The following MTERF4 variants were observed in gnomAD, a reference collection of about 807,000 sequenced individuals.
The protein encoded by MTERF4 is mitochondrial transcription termination factor 4.
MTERF4 carries 17 observed loss-of-function variants against 22.5 expected under a neutral mutation model. The observed-to-expected ratio is 0.75, with a 90% CI of 0.52 to 1.13. The LOEUF (loss-of-function observed/expected upper bound fraction) is 1.13. Ranked by LOEUF, MTERF4 falls within the 50% of genes most tolerant of loss-of-function variation. The pLI, the probability that MTERF4 is intolerant of heterozygous loss-of-function variation, is 0.00. For missense variants in MTERF4, 420 were observed against 466.8 expected, an observed-to-expected ratio of 0.90 and a Z score of 0.92; for synonymous variants, 165 against 175.3, an observed-to-expected ratio of 0.94 and a Z score of 0.47.
chr2:241,063,588 G>A, the MTERF4 span: 6 of 1,601,700 alleles, frequency 3.7e-6, no homozygotes, highest in East Asian at 1.1e-4. Flanking sequence ...TCTGTGCAGA[G>A]AGGGATGAGT....
the MTERF4 span, among the ~76,000 whole-genome samples, chr2:241,057,234 C>T: frequency 1.3e-5 from 2 of 151,684 alleles, no homozygotes; most frequent in Non-Finnish European, 2.9e-5. Flanking sequence ...CAAAAATTAG[C>T]TGGGCATGGT....
At chr2:241,076,801 A>G (rs2063042143) in intron 4 of MTERF4, among the ~76,000 whole-genome samples, 1 of 151,322 alleles carries the variant, frequency 6.6e-6, no homozygotes, top group African/African-American at 2.4e-5. Flanking sequence ...AAAAGAACTG[A>G]GAGTCCAGGG....
chr2:241,071,973 C>G (rs1559296841), downstream of MTERF4: 1 of 1,065,356 alleles, frequency 9.4e-7, no homozygotes, highest in South Asian at 1.3e-5. Context: ...TGAGCCCACC[C>G]CCACCGCCAG....
At chr2:241,064,118 C>A in the MTERF4 span, 1 of 1,557,294 alleles carries the variant, frequency 6.4e-7, no homozygotes, top group South Asian at 1.2e-5. This position sits in a 1 kb window ranked among gnomAD's most constrained non-coding sequence, Gnocchi z 7.0. Context: ...GCTACCACTG[C>A]GAGACAGGTA....
At chr2:241,047,413 C>T in the MTERF4 span, among the ~76,000 whole-genome samples, 1 of 152,136 alleles carries the variant, frequency 6.6e-6, no homozygotes, top group East Asian at 1.9e-4. Flanking sequence ...GAGATTTCGA[C>T]ACTCCCCTCT....
downstream of MTERF4, chr2:241,067,732 C>A (rs2062521474): frequency 1.3e-6 from 2 of 1,567,882 alleles, no homozygotes; most frequent in African/African-American, 1.3e-5. Context: ...CAAGGAGGGG[C>A]CGGCACCTGC....
At chr2:241,065,002 C>G in the MTERF4 span, 5 of 1,440,694 alleles carry the variant, frequency 3.5e-6, no homozygotes, top group Non-Finnish European at 2.8e-6. Flanking sequence ...CGAGGGGGTC[C>G]CCTCTCCCTA....
the MTERF4 span, chr2:241,051,801 C>G: frequency 6.4e-7 from 1 of 1,560,750 alleles, no homozygotes; most frequent in Non-Finnish European, 8.7e-7. The surrounding 1 kb of genome is among the most constrained non-coding windows in gnomAD (Gnocchi z 4.7). Context: ...TGCAAGGAGG[C>G]GGGCGGCGAG....
chr2:241,072,823 G>T (rs1575068311), exon 5 of MTERF4: 2 of 200,000 alleles, frequency 1.0e-5, no homozygotes, highest in South Asian at 2.2e-4. Context: ...CCCTGCATAA[G>T]AAGTGATGCA....
chr2:241,053,734 G>A, the MTERF4 span, among the ~76,000 whole-genome samples: 1 of 152,160 alleles, frequency 6.6e-6, no homozygotes, highest in African/African-American at 2.4e-5. Context: ...CCTTCCCCCT[G>A]CAGGCATTTG....
chr2:241,078,122 C>T (rs568394101), intron 4 of MTERF4, among the ~76,000 whole-genome samples: 22 of 152,208 alleles, frequency 1.4e-4, no homozygotes, highest in South Asian at 2.1e-4. Context: ...CGGTGGCTCA[C>T]GCCTGTAATC....
intron 4 of MTERF4, among the ~76,000 whole-genome samples, chr2:241,077,338 T>G (rs2063075730): frequency 6.6e-6 from 1 of 151,768 alleles, no homozygotes; most frequent in African/African-American, 2.4e-5. Flanking sequence ...AACATAGGAG[T>G]AAATCTTCAT....
chr2:241,071,623 C>G (rs375012619), downstream of MTERF4: 134 of 1,586,686 alleles, frequency 8.4e-5, no homozygotes, highest in Non-Finnish European at 1.0e-4. Context: ...AGGACACCAC[C>G]CTCGGGTGCT....
the MTERF4 span, among the ~76,000 whole-genome samples, chr2:241,066,485 G>T: frequency 6.6e-6 from 1 of 152,248 alleles, no homozygotes; most frequent in African/African-American, 2.4e-5. Flanking sequence ...ACCAAGTGGG[G>T]TGCAGGGCCA....
At chr2:241,065,513 C>G in the MTERF4 span, 1 of 1,612,986 alleles carries the variant, frequency 6.2e-7, no homozygotes. Flanking sequence ...GCAGGGCCTA[C>G]AACATCTCCG....
the MTERF4 span, chr2:241,048,329 C>A: frequency 6.2e-7 from 1 of 1,606,976 alleles, no homozygotes; most frequent in Non-Finnish European, 8.5e-7. Flanking sequence ...CCATCCAGTG[C>A]CAGACGCCTG....
chr2:241,067,092 G>A, the MTERF4 span, among the ~76,000 whole-genome samples: 9 of 152,348 alleles, frequency 5.9e-5, no homozygotes, highest in South Asian at 1.0e-3. Context: ...ATCTGCCCTC[G>A]GAAGGTATCT....
chr2:241,070,940 T>C (rs9789591), downstream of MTERF4, among the ~76,000 whole-genome samples: 2,673 of 152,278 alleles, frequency 0.018, 203 homozygotes, highest in Admixed American at 0.12. Context: ...CGTGAGGCTG[T>C]GCTGGGGACA....
At chr2:241,100,886 G>C (rs546013885) in intron 1 of MTERF4, among the ~76,000 whole-genome samples, 1 of 152,050 alleles carries the variant, frequency 6.6e-6, no homozygotes, top group Non-Finnish European at 1.5e-5. Flanking sequence ...GTTGTTCAAG[G>C]GTCACAGTAA....
Sources: allele counts gnomAD v4.1 joint callset (sites outside exome capture counted in the v4.1 genomes callset), GRCh38; gene constraint gnomAD v4.1.1; non-coding constraint Gnocchi (gnomAD v3.1); transcripts MANE v1.5; gene names NCBI Gene and HGNC (gene_info 2026-07-23, HGNC 2026-07-21).